Variants in TK2 observed in about 807,000 individuals in gnomAD.
The protein encoded by TK2 is thymidine kinase 2, mitochondrial.
TK2 carries 35 observed loss-of-function variants against 41.9 expected under a neutral mutation model. The observed-to-expected ratio is 0.84, with a 90% CI of 0.64 to 1.11. TK2 has a LOEUF of 1.11. Ranked by LOEUF, TK2 falls within the 50% of genes least tolerant of loss-of-function variation. The pLI, the probability that TK2 is intolerant of heterozygous loss-of-function variation, is 0.00. For missense variants in TK2, 320 were observed against 351.1 expected (o/e 0.91, Z 0.71); for synonymous variants, 128 against 129.1 (o/e 0.99, Z 0.06).
intron 4 of TK2, among the ~76,000 whole-genome samples, chr16:66,536,258 CT>C (rs1965276978): frequency 6.6e-6 from 1 of 151,620 alleles, no homozygotes. Context: ...CATTTACTAG[CT>C]GTGTGACCTC....
intron 3 of TK2, 66 bp from the exon 4 acceptor site, chr16:66,537,083 G>A (rs957298017): frequency 1.9e-6 from 3 of 1,597,210 alleles, no homozygotes. Flanking sequence ...GTGTGTAAGT[G>A]TTGAGGGGAA....
At position 66,513,088 on chromosome 16, in the gene TK2, C is replaced by T. The variant is rs1964499979; in HGVS notation, c.699+643G>A. 3.3e-5 allele frequency among the ~76,000 whole-genome samples: 5 copies of T among 152,266 alleles called. No homozygotes were observed. The South Asian group carries it at 1.0e-3, about 32-fold the overall frequency. On this transcript the variant is annotated intron_variant, in intron 9 of 9. Coordinates refer to ENST00000544898, the MANE Select transcript of TK2 (RefSeq NM_004614.5). ...TTTCTTGGGAGCATCTGGGCCACTG[C>T]TTATTTGTCTGAGTAAAGAAATCTG...
intron 2 of TK2, among the ~76,000 whole-genome samples, chr16:66,543,407 C>T (rs149567848): frequency 7.2e-5 from 11 of 152,316 alleles, no homozygotes; most frequent in Non-Finnish European, 1.3e-4. Context: ...CTCTGCTCAG[C>T]CAGGCACTGC....
At chr16:66,542,570 T>C (rs1329813577) in intron 2 of TK2, among the ~76,000 whole-genome samples, 3 of 152,170 alleles carry the variant, frequency 2.0e-5, no homozygotes, top group Admixed American at 2.0e-4. Flanking sequence ...ATGAGGCTTG[T>C]AGAAGACAAT....
chr16:66,540,489 C>A (rs762703968), intron 3 of TK2, among the ~76,000 whole-genome samples: 1 of 151,780 alleles, frequency 6.6e-6, no homozygotes, highest in Non-Finnish European at 1.5e-5. Context: ...ATATTTCTAG[C>A]AGAAGTAAAA....
At chr16:66,541,848 G>A (rs773386268) in intron 3 of TK2, 31 bp downstream of exon 3, 78 of 1,610,592 alleles carry the variant, frequency 4.8e-5, no homozygotes, top group Middle Eastern at 3.3e-4. Flanking sequence ...AGCTTTCTCC[G>A]CTTCCTTCAA....
intron 3 of TK2, among the ~76,000 whole-genome samples, chr16:66,537,416 C>T (rs966252482): frequency 2.0e-5 from 3 of 152,248 alleles, no homozygotes; most frequent in Non-Finnish European, 4.4e-5. Flanking sequence ...AGGAGGGACA[C>T]TGGACAGGGC....
chr16:66,548,894 T>C lies in TK2; in HGVS notation c.156+84A>G. On this transcript the variant is annotated intron_variant, in intron 2 of 9. Transcript: ENST00000544898. ...TTTTTGCTTTTTACTATGGAATGTA[T>C]TTTTGCTTTTTACTCTGCTTTTTTC... The C allele has an allele frequency of 8.1e-6, 11 of 1,357,000 alleles. 1 individual carries two copies. The South Asian group carries it at 9.7e-5, about 12-fold the overall frequency. The allele number at this position is 1,357,000 out of a possible 1,614,324, so 84.1% of individuals were successfully genotyped here. A position where few individuals can be genotyped will look rare whatever the true frequency, so the allele number is the denominator to read the frequency against.
intron 9 of TK2, 54 bp from the exon 10 acceptor site, chr16:66,512,120 C>T: frequency 1.4e-6 from 2 of 1,475,140 alleles, no homozygotes; most frequent in Non-Finnish European, 1.9e-6. Context: ...CAGCATCCTC[C>T]TTTCACAGCT....
At chr16:66,538,378 C>G (rs1377746273) in intron 3 of TK2, among the ~76,000 whole-genome samples, 1 of 152,134 alleles carries the variant, frequency 6.6e-6, no homozygotes, top group Non-Finnish European at 1.5e-5. Context: ...CTCTCAAACC[C>G]CCTCTCCTTC....
intron 6 of TK2, among the ~76,000 whole-genome samples, chr16:66,518,942 A>T (rs971681979): frequency 1.3e-5 from 2 of 151,752 alleles, no homozygotes; most frequent in African/African-American, 2.4e-5. Flanking sequence ...GCATTACTAC[A>T]TATTTTAGTT....
intron 2 of TK2, among the ~76,000 whole-genome samples, chr16:66,547,197 CCAA>C (rs933928206): frequency 6.6e-6 from 1 of 152,186 alleles, no homozygotes; most frequent in Non-Finnish European, 1.5e-5. Flanking sequence ...TCCTCACCCA[CCAA>C]CACCAGTCAA....
At chr16:66,518,055 C>T (rs1004640008) in intron 6 of TK2, 178 bp from the exon 7 acceptor site, 6 of 666,680 alleles carry the variant, frequency 9.0e-6, no homozygotes, top group Admixed American at 2.1e-5. Flanking sequence ...TTCCCGACCT[C>T]CTGCTGCCTG....
chr16:66,549,795 G>A (rs1189732252), intron 1 of TK2, 143 bp downstream of exon 1: 3 of 1,283,766 alleles, frequency 2.3e-6, no homozygotes, highest in South Asian at 2.8e-5. Flanking sequence ...GCCGATGGCC[G>A]CCCCCGTCCC....
chr16:66,542,052 T>C (rs1965474199), intron 2 of TK2, 99 bp from the exon 3 acceptor site: 11 of 1,321,252 alleles, frequency 8.3e-6, no homozygotes, highest in Non-Finnish European at 1.2e-5. Flanking sequence ...CCAGCATAAT[T>C]GGTTCAGTCC....
At chr16:66,525,837 C>A (rs1460979996) in intron 6 of TK2, among the ~76,000 whole-genome samples, 1 of 152,158 alleles carries the variant, frequency 6.6e-6, no homozygotes, top group East Asian at 1.9e-4. Flanking sequence ...CCACAGAAAT[C>A]CTAACCACAG....
chr16:66,549,788 GATGGCCGCCCCCGT>G, intron 1 of TK2, 136 bp downstream of exon 1: 1 of 1,284,780 alleles, frequency 7.8e-7, no homozygotes, highest in Non-Finnish European at 9.8e-7. Flanking sequence ...GGTAACGGCC[GATGGCCGCCCCCGT>G]CCCAGCCGCA....
At chr16:66,527,005 C>A (rs1206182991) in intron 6 of TK2, among the ~76,000 whole-genome samples, 1 of 152,242 alleles carries the variant, frequency 6.6e-6, no homozygotes, top group Non-Finnish European at 1.5e-5. Flanking sequence ...GAGCAGTACA[C>A]AAACATAACA....
At chr16:66,547,694 C>A (rs1200980967) in intron 2 of TK2, among the ~76,000 whole-genome samples, 2 of 151,796 alleles carry the variant, frequency 1.3e-5, no homozygotes, top group African/African-American at 2.4e-5. Flanking sequence ...CCCCATCAGA[C>A]AAACCTCCCC....
Sources: allele counts gnomAD v4.1 joint callset (sites outside exome capture counted in the v4.1 genomes callset), GRCh38; gene constraint gnomAD v4.1.1; transcripts MANE v1.5; gene names NCBI Gene and HGNC (gene_info 2026-07-23, HGNC 2026-07-21).